Variants in ABCB9 observed in about 807,000 individuals in gnomAD.
The protein encoded by ABCB9 is ATP binding cassette subfamily B member 9, also known as ABC-type oligopeptide transporter ABCB9.
In ABCB9, 36 loss-of-function variants were observed where a neutral mutation model predicts 62.0. That is an observed-to-expected ratio of 0.58 (90% CI 0.45 to 0.77). The LOEUF (loss-of-function observed/expected upper bound fraction) is 0.77, where lower values mean the gene tolerates loss of function less well. Ranked by LOEUF, ABCB9 falls within the 30% of genes least tolerant of loss-of-function variation. The pLI is 0.00. For missense variants in ABCB9, 943 were observed against 1,054.7 expected (o/e 0.89, Z 1.47); for synonymous variants, 435 against 461.4 (o/e 0.94, Z 0.73).
At chr12:122,949,620 C>T (rs1188395689) in intron 4 of ABCB9, among the ~76,000 whole-genome samples, 168 bp downstream of exon 4, 7 of 152,218 alleles carry the variant, frequency 4.6e-5, no homozygotes, top group African/African-American at 1.7e-4. Context: ...AGCAAGCCAG[C>T]TCCCAGGACA....
At position 122,942,060 on chromosome 12, in the gene ABCB9, T is replaced by C. The variant is rs575596359; in HGVS notation, c.1381-1065A>G. On this transcript the variant is annotated intron_variant, in intron 7 of 11. Transcript: ENST00000280560. Reference sequence around the variant, plus strand: ...GCTCTGTATGTTAGGAGGTAGGTTCTAACATTATCTCCTTTTTTACTGATG... The same window carrying C: ...GCTCTGTATGTTAGGAGGTAGGTTCCAACATTATCTCCTTTTTTACTGATG... Among the ~76,000 whole-genome samples the C allele has an allele frequency of 7.9e-5, 12 of 152,210 alleles. No individual in the cohort carries two copies. The South Asian group carries it at 2.1e-3, about 26-fold the overall frequency.
downstream of ABCB9, among the ~76,000 whole-genome samples, chr12:122,925,630 C>G (rs1450930503): frequency 1.3e-5 from 2 of 151,816 alleles, no homozygotes; most frequent in Non-Finnish European, 1.5e-5. Context: ...CGCCTCTAGT[C>G]GCAGCTACTC....
At chr12:122,951,008 ATT>A (rs1178686841) in intron 2 of ABCB9, 10 of 123,748 alleles carry the variant, frequency 8.1e-5, no homozygotes, top group Non-Finnish European at 1.3e-4. Flanking sequence ...TGCCAGGCTA[ATT>A]TTTTTTTTTT....
chr12:122,939,003 C>T (rs917288333), intron 9 of ABCB9, among the ~76,000 whole-genome samples: 1 of 152,028 alleles, frequency 6.6e-6, no homozygotes, highest in Non-Finnish European at 1.5e-5. Flanking sequence ...GAAACCCTGT[C>T]TGTACTAAAA....
intron 10 of ABCB9, among the ~76,000 whole-genome samples, chr12:122,934,774 T>C (rs985127064): frequency 1.3e-5 from 2 of 152,230 alleles, no homozygotes; most frequent in Non-Finnish European, 2.9e-5. Flanking sequence ...CCTTGTCTAG[T>C]TTCTTTATGC....
chr12:122,942,310 G>C (rs902071111), intron 7 of ABCB9, among the ~76,000 whole-genome samples: 1 of 151,956 alleles, frequency 6.6e-6, no homozygotes, highest in Non-Finnish European at 1.5e-5. Context: ...AGAGCTGGCC[G>C]GGCACAGTGG....
chr12:122,949,970 C>A, intron 3 of ABCB9, 52 bp from the exon 4 acceptor site: 1 of 1,608,992 alleles, frequency 6.2e-7, no homozygotes, highest in South Asian at 1.1e-5. Context: ...GACCAGTGAC[C>A]ACACCCGGCT....
chr12:122,937,918 C>A lies in ABCB9; in HGVS notation c.1743+2193G>T, dbSNP rs960462758. 1.4e-4 allele frequency among the ~76,000 whole-genome samples: 22 copies of A among 152,220 alleles called. 1 individual carries two copies. Among genetic ancestry groups the A allele is most frequent in the Non-Finnish European group, 1.5e-5 (1 of 68,050 alleles). On this transcript the variant is annotated intron_variant, in intron 9 of 11. Transcript: ENST00000280560. Reference sequence around the variant, plus strand: ...AGGGACAGGTGTTATGGTTCCTTTCCTGAAAGGATTACTAAAAACTGTCCA... The same window carrying A: ...AGGGACAGGTGTTATGGTTCCTTTCATGAAAGGATTACTAAAAACTGTCCA...
chr12:122,955,030 A>C (rs2036551543), intron 2 of ABCB9, among the ~76,000 whole-genome samples: 1 of 152,126 alleles, frequency 6.6e-6, no homozygotes, highest in Non-Finnish European at 1.5e-5. Context: ...CTCCTAAGCC[A>C]AAGCAACCCT....
rs368686842 is a variant in ABCB9, at chr12:122,948,842, C to T, written c.848-13G>A. On this transcript the variant is annotated splice_polypyrimidine_tract_variant and intron_variant, in intron 4 of 11. Transcript: ENST00000280560. ...GAGATGAGGTCCCCTGGAACACACG[C>T]GGCTCAGCTCTCACCACAGCAACCC... 2.8e-5 allele frequency: 42 copies of T among 1,518,618 alleles called. No individual in the cohort carries two copies. Among genetic ancestry groups the T allele is most frequent in the Admixed American group, 6.0e-5 (3 of 49,660 alleles). The allele number at this position is 1,518,618 out of a possible 1,614,324, so 94.1% of individuals were successfully genotyped here.
At position 122,964,304 on chromosome 12, in the gene ABCB9, C is replaced by T. The variant is rs1452889187; in HGVS notation, c.-88+1983G>A. Reference sequence around the variant, plus strand: ...AGCCCAGGGTACCAGTCATGCCCCCCGCCTCCAGAAGCCTATTTATCTTCA... The same window carrying T: ...AGCCCAGGGTACCAGTCATGCCCCCTGCCTCCAGAAGCCTATTTATCTTCA... On this transcript the variant is annotated intron_variant, in intron 1 of 11. Coordinates refer to ENST00000280560, the MANE Select transcript of ABCB9 (RefSeq NM_019625.4). This position sits in a 1 kb window ranked among gnomAD's most constrained non-coding sequence, Gnocchi z 4.7. 3.9e-5 allele frequency among the ~76,000 whole-genome samples: 6 copies of T among 152,186 alleles called. No homozygotes were observed. Among genetic ancestry groups the T allele is most frequent in the Non-Finnish European group, 2.9e-5 (2 of 68,026 alleles).
chr12:122,955,735 G>A (rs1334417049), intron 2 of ABCB9, among the ~76,000 whole-genome samples: 6 of 148,018 alleles, frequency 4.1e-5, no homozygotes, highest in Non-Finnish European at 7.4e-5. Flanking sequence ...TTTTTGAGAC[G>A]GAGTCTCACT....
rs771923001 is a variant in ABCB9, at chr12:122,959,724, C to T, written c.512G>A (p.Gly171Glu). The change falls in exon 2 of 12, where the codon GGG becomes GAG. Residue 171 changes from glycine (G) to glutamate (E), a missense_variant. Gly to Glu is a moderately conservative substitution (Grantham distance 98). Coordinates refer to ENST00000280560, the MANE Select transcript of ABCB9 (RefSeq NM_019625.4). The surrounding 1 kb of genome is among the most constrained non-coding windows in gnomAD (Gnocchi z 5.4). ...SGRPPPEQAS[G>E]ATLQKLLSYT... ...GGAGAGCAGCTTCTGCAGCGTGGCC[C>T]CAGACGCCTGCTCGGGCGGTGGCCG... 2 of 1,610,936 alleles carry T rather than the reference C, an allele frequency of 1.2e-6. No individual in the cohort carries two copies. The highest frequency in any genetic ancestry group is 1.7e-6 in the Non-Finnish European group (2 of 1,178,598).
chr12:122,938,442 G>A (rs934180024), intron 9 of ABCB9, among the ~76,000 whole-genome samples: 2 of 152,164 alleles, frequency 1.3e-5, no homozygotes, highest in Non-Finnish European at 2.9e-5. Context: ...TGAGGTGGGA[G>A]GATGACTTGA....
At chr12:122,927,588 C>A (rs1038114622), downstream of ABCB9, among the ~76,000 whole-genome samples, 4 of 152,196 alleles carry the variant, frequency 2.6e-5, no homozygotes, top group East Asian at 7.7e-4. Flanking sequence ...AATCAAGGCA[C>A]TGGAGCTAAC....
upstream of ABCB9, among the ~76,000 whole-genome samples, chr12:122,966,747 C>A (rs1316776335): frequency 6.6e-6 from 1 of 152,264 alleles, no homozygotes; most frequent in African/African-American, 2.4e-5. Flanking sequence ...CTGGCCTCCA[C>A]CTGGAGCCAC....
At chr12:122,928,321 G>T (rs921034644), downstream of ABCB9, among the ~76,000 whole-genome samples, 1 of 151,948 alleles carries the variant, frequency 6.6e-6, no homozygotes, top group Non-Finnish European at 1.5e-5. Context: ...ATACAAAAAT[G>T]AGCCGGGTGT....
chr12:122,962,542 C>T (rs2036961965), intron 1 of ABCB9, among the ~76,000 whole-genome samples: 1 of 152,188 alleles, frequency 6.6e-6, no homozygotes, highest in Admixed American at 6.5e-5. Flanking sequence ...TTCCATATTC[C>T]CGTTTACAGT....
rs754274446 is a variant in ABCB9 at position 122,932,159 on chromosome 12, T to C, written c.2040+33A>G. 13 of 1,550,856 alleles carry C rather than the reference T, an allele frequency of 8.4e-6. No homozygotes were observed. Among genetic ancestry groups the C allele is most frequent in the African/African-American group, 1.4e-5 (1 of 73,022 alleles). ...GGCTCTGGCCACCTGGAGCCGCTCC[T>C]GCCCCCGCATTGCCCACCACCCTGT... On this transcript the variant is annotated intron_variant, in intron 11 of 11. Transcript: ENST00000280560. This position sits in a 1 kb window ranked among gnomAD's most constrained non-coding sequence, Gnocchi z 4.7.
Sources: allele counts gnomAD v4.1 joint callset (sites outside exome capture counted in the v4.1 genomes callset), GRCh38; gene constraint gnomAD v4.1.1; non-coding constraint Gnocchi (gnomAD v3.1); transcripts MANE v1.5; gene names NCBI Gene and HGNC (gene_info 2026-07-23, HGNC 2026-07-21).